The following HEATR5A variants were observed in gnomAD, a reference collection of about 807,000 sequenced individuals.
The protein encoded by HEATR5A is HEAT repeat containing 5A.
In HEATR5A, 178 loss-of-function variants were observed where a neutral mutation model predicts 218.8. The observed-to-expected ratio is 0.81, with a 90% CI of 0.72 to 0.92. The LOEUF (loss-of-function observed/expected upper bound fraction) is 0.92. Among genes scored for constraint, HEATR5A ranks in the 40% least tolerant of loss-of-function variants. The pLI is 0.00. For missense variants in HEATR5A, 2,420 were observed against 2,418.9 expected, an observed-to-expected ratio of 1.00 and a Z score of -0.01; for synonymous variants, 864 against 871.6, an observed-to-expected ratio of 0.99 and a Z score of 0.15.
chr14:31,361,179 T>A (rs1214369491), intron 14 of HEATR5A, among the ~76,000 whole-genome samples: 2 of 152,198 alleles, frequency 1.3e-5, no homozygotes, highest in African/African-American at 2.4e-5. Flanking sequence ...CCGTGCTGAA[T>A]CACTCATTCA....
At chr14:31,381,937 T>C (rs1216263087) in intron 10 of HEATR5A, among the ~76,000 whole-genome samples, 1 of 152,196 alleles carries the variant, frequency 6.6e-6, no homozygotes, top group Non-Finnish European at 1.5e-5. Flanking sequence ...CAGGAAGTAT[T>C]ATGAGTTGGC....
At chr14:31,369,089 A>T (rs919970411) in intron 13 of HEATR5A, among the ~76,000 whole-genome samples, 1 of 152,046 alleles carries the variant, frequency 6.6e-6, no homozygotes, top group African/African-American at 2.4e-5. Context: ...TTGAGCCTGG[A>T]AATTTGAGAC....
intron 34 of HEATR5A, among the ~76,000 whole-genome samples, chr14:31,294,540 G>A (rs901996221): frequency 1.3e-5 from 2 of 150,906 alleles, no homozygotes; most frequent in African/African-American, 2.4e-5. Context: ...CTCCCGAGTC[G>A]CTGGGACTAC....
intron 22 of HEATR5A, among the ~76,000 whole-genome samples, chr14:31,334,671 G>A (rs1293449106): frequency 2.0e-5 from 3 of 152,164 alleles, no homozygotes; most frequent in Non-Finnish European, 2.9e-5. Flanking sequence ...GGCCAGCCGG[G>A]TGTGGTGGCT....
intron 11 of HEATR5A, among the ~76,000 whole-genome samples, chr14:31,378,307 T>A (rs1173398294): frequency 6.6e-6 from 1 of 152,238 alleles, no homozygotes; most frequent in Non-Finnish European, 1.5e-5. Context: ...CAAATAAAAC[T>A]ATGAATGCTG....
At chr14:31,365,281 G>A (rs986191412) in intron 13 of HEATR5A, among the ~76,000 whole-genome samples, 7 of 152,162 alleles carry the variant, frequency 4.6e-5, no homozygotes, top group Non-Finnish European at 8.8e-5. Flanking sequence ...GAATAAATCT[G>A]CTAAACTGTT....
intron 10 of HEATR5A, among the ~76,000 whole-genome samples, chr14:31,382,411 G>A (rs1361427101): frequency 6.6e-6 from 1 of 152,154 alleles, no homozygotes; most frequent in Non-Finnish European, 1.5e-5. Flanking sequence ...TGACACAGGA[G>A]TGGCAATGAG....
At chr14:31,331,088 C>T (rs963749937) in intron 22 of HEATR5A, among the ~76,000 whole-genome samples, 3 of 151,468 alleles carry the variant, frequency 2.0e-5, no homozygotes. Context: ...GTTACAGGTG[C>T]CACCACCACG....
At chr14:31,348,623 T>C (rs772430717) in intron 18 of HEATR5A, among the ~76,000 whole-genome samples, 4 of 152,178 alleles carry the variant, frequency 2.6e-5, no homozygotes, top group Non-Finnish European at 5.9e-5. Context: ...TTAATGTTTA[T>C]TAGGAATTTT....
Position 31,293,888 on chromosome 14 carries a change from T to TA in HEATR5A, c.5833+2dup, listed in dbSNP as rs763845001. On this transcript the variant is annotated splice_region_variant and intron_variant, in intron 35 of 35. Transcript: ENST00000543095. ...TGAGTATGAATTTAGTGCTGACACT[T>TA]ACGATGGTGTTCTTCAGCAACAGTA... is the stretch of plus-strand genomic sequence containing the variant. The TA allele has an allele frequency of 3.8e-6, 6 of 1,588,396 alleles. No individual in the cohort carries two copies. The highest frequency in any genetic ancestry group is 1.7e-4 in the Middle Eastern group (1 of 6,048).
At chr14:31,298,246 GTTT>G (rs1899254461) in intron 33 of HEATR5A, among the ~76,000 whole-genome samples, 1 of 145,222 alleles carries the variant, frequency 6.9e-6, no homozygotes, top group South Asian at 2.3e-4. Context: ...TATAATATGT[GTTT>G]GCTCTTTTAA....
intron 14 of HEATR5A, among the ~76,000 whole-genome samples, chr14:31,363,421 A>G (rs1249768011): frequency 6.6e-6 from 1 of 152,166 alleles, no homozygotes; most frequent in Non-Finnish European, 1.5e-5. Context: ...ATGGCAAAGA[A>G]TAAGACATAT....
Position 31,359,017 on chromosome 14 carries a change from C to A in HEATR5A, c.2112G>T (p.Leu704Phe). ...CAILRELAAD[L>F]TAPDIQVAAS... is the part of the protein sequence containing the mutation. ...CTGCCACCTGAATATCAGGGGCAGT[C>A]AAGTCAGCAGCCAGCTCTCTGAGGA... The change falls in exon 15 of 36, where the codon TTG becomes TTT. Residue 704 changes from leucine (L) to phenylalanine (F), a missense_variant. Leu to Phe is a conservative substitution (Grantham distance 22). Transcript: ENST00000543095. The A allele has an allele frequency of 6.3e-7, 1 of 1,589,342 alleles. No individual in the cohort carries two copies. The highest frequency in any genetic ancestry group is 1.2e-5 in the South Asian group (1 of 85,568).
At position 31,349,925 on chromosome 14, in the gene HEATR5A, A is replaced by G. The variant is rs1189859142; in HGVS notation, c.2572T>C (p.Leu858=). 1 of 1,608,800 alleles carries G rather than the reference A, an allele frequency of 6.2e-7. No homozygotes were observed. Among genetic ancestry groups the G allele is most frequent in the Non-Finnish European group, 8.5e-7 (1 of 1,177,276 alleles). Reference sequence around the variant, plus strand: ...TCTAGGGCTCCCATAACTAATGTTAAGGCAAATCTTTTCATTTCTTCTGGA... The same window carrying G: ...TCTAGGGCTCCCATAACTAATGTTAGGGCAAATCTTTTCATTTCTTCTGGA... The part of the protein sequence containing the change: ...LGPEEMKRFA[L]TLVMGALESP... Residue 858 remains leucine, a synonymous_variant, in exon 18 of 36, where the codon TTA becomes CTA. Transcript: ENST00000543095.
At chr14:31,403,874 A>C (rs1333790629) in intron 1 of HEATR5A, among the ~76,000 whole-genome samples, 1 of 152,230 alleles carries the variant, frequency 6.6e-6, no homozygotes, top group East Asian at 1.9e-4. Flanking sequence ...ATTCACATTA[A>C]CATACAAATT....
In HEATR5A at chr14:31,331,098, G is replaced by T. The variant is rs142428360; in HGVS notation, c.3368-4756C>A. 2.5e-3 allele frequency among the ~76,000 whole-genome samples: 378 copies of T among 151,490 alleles called. 2 individuals are homozygous for T. Among genetic ancestry groups the T allele is most frequent in the African/African-American group, 8.4e-3 (346 of 41,320 alleles). On this transcript the variant is annotated intron_variant, in intron 22 of 35. Transcript: ENST00000543095. ...CTGGGGTTACAGGTGCCACCACCAC[G>T]CATGGCTAAGTTTTGTATTTTTAGT...
chr14:31,367,566 CTAA>C (rs1901849044), intron 13 of HEATR5A, among the ~76,000 whole-genome samples: 2 of 96,402 alleles, frequency 2.1e-5, no homozygotes, highest in African/African-American at 4.0e-5. Flanking sequence ...CTATGCCCAG[CTAA>C]TTTTTTTTTT....
intron 25 of HEATR5A, chr14:31,320,229 T>C: frequency 1.5e-6 from 1 of 664,104 alleles, no homozygotes; most frequent in Non-Finnish European, 2.8e-6. Context: ...GAGCCTCACA[T>C]GGCGAACAGG....
Position 31,293,247 on chromosome 14 carries a change from C to T in HEATR5A, c.*58G>A. ...TGTGTCTACAATGTCCCTTTTGTCA[C>T]CAAAGGCAATGATCAAGTATTTATT... On this transcript the variant is annotated 3_prime_UTR_variant, in exon 36 of 36. Transcript: ENST00000543095. The T allele has an allele frequency of 7.3e-7, 1 of 1,366,186 alleles. No individual in the cohort carries two copies. The highest frequency in any genetic ancestry group is 1.0e-6 in the Non-Finnish European group (1 of 999,530). 84.6% of individuals were successfully genotyped at this position (1,366,186 alleles called of 1,614,324 possible).
Sources: allele counts gnomAD v4.1 joint callset (sites outside exome capture counted in the v4.1 genomes callset), GRCh38; gene constraint gnomAD v4.1.1; transcripts MANE v1.5; gene names NCBI Gene and HGNC (gene_info 2026-07-23, HGNC 2026-07-21).